The following CCDC57 variants were observed in gnomAD, a reference collection of about 807,000 sequenced individuals.
CCDC57 encodes coiled-coil domain-containing protein 57.
A neutral mutation model predicts 118.9 loss-of-function variants in CCDC57; 118 were observed. The observed-to-expected ratio is 0.99, with a 90% CI of 0.86 to 1.16. CCDC57 has a LOEUF of 1.16. CCDC57 is among the 50% of genes most tolerant of loss of function. The probability of loss-of-function intolerance (pLI) is 0.00; values close to 1 mark genes in which losing one functional copy is unlikely to be tolerated. For synonymous variants in CCDC57, 527 were observed against 532.9 expected (o/e 0.99, Z 0.15); for missense variants, 1,300 against 1,320.7 (o/e 0.98, Z 0.24).
At chr17:82,194,487 T>G (rs1599374947) in intron 5 of CCDC57, among the ~76,000 whole-genome samples, 1 of 152,040 alleles carries the variant, frequency 6.6e-6, no homozygotes. Context: ...ATTTTTGTAT[T>G]TTTAGTAGAG....
intron 13 of CCDC57, among the ~76,000 whole-genome samples, chr17:82,167,989 C>G (rs2044213316): frequency 6.6e-6 from 1 of 152,234 alleles, no homozygotes; most frequent in African/African-American, 2.4e-5. Context: ...TTTTCCTTCA[C>G]TCCTGACATT....
intron 2 of CCDC57, among the ~76,000 whole-genome samples, chr17:82,203,404 T>C (rs368076884): frequency 5.4e-4 from 82 of 152,334 alleles, no homozygotes; most frequent in African/African-American, 1.9e-3. Flanking sequence ...AATGGTCTAA[T>C]ATACCATCCG....
chr17:82,126,962 A>T (rs2037526689), intron 19 of CCDC57: 1 of 985,166 alleles, frequency 1.0e-6, no homozygotes, highest in Non-Finnish European at 1.2e-6. Flanking sequence ...ACCACATCAC[A>T]CGTCCCGCAA....
At chr17:82,167,509 C>T (rs1599090680) in intron 13 of CCDC57, among the ~76,000 whole-genome samples, 2 of 152,264 alleles carry the variant, frequency 1.3e-5, no homozygotes, top group South Asian at 2.1e-4. Flanking sequence ...CACCACCATG[C>T]CCAGCTAATT....
intron 1 of CCDC57, among the ~76,000 whole-genome samples, chr17:82,210,090 G>A (rs984557531): frequency 6.6e-6 from 1 of 152,082 alleles, no homozygotes; most frequent in East Asian, 1.9e-4. Flanking sequence ...GTGCTATAAG[G>A]ACAGAGAGGC....
At chr17:82,149,158 ATAGG>A (rs751088131) in intron 16 of CCDC57, among the ~76,000 whole-genome samples, 1 of 131,434 alleles carries the variant, frequency 7.6e-6, no homozygotes, top group South Asian at 2.9e-4. Flanking sequence ...GGATGAATAA[ATAGG>A]TGGGTGGATG....
At chr17:82,158,949 CTCAA>C (rs2043001003) in intron 14 of CCDC57, among the ~76,000 whole-genome samples, 1 of 152,070 alleles carries the variant, frequency 6.6e-6, no homozygotes, top group Non-Finnish European at 1.5e-5. Context: ...ACCATCTGGG[CTCAA>C]GCAACCCTCC....
Position 82,190,498 on chromosome 17 carries a change from C to G in CCDC57, c.852-2079G>C, listed in dbSNP as rs188539493. On this transcript the variant is annotated intron_variant, in intron 7 of 19. Transcript: ENST00000665763. Reference sequence around the variant, plus strand: ...ACCACTTGAGGACAAGAGTTTGAGACCAGCCTGGCCAGCATGGCAAACTCC... The same window carrying G: ...ACCACTTGAGGACAAGAGTTTGAGAGCAGCCTGGCCAGCATGGCAAACTCC... Among the ~76,000 whole-genome samples, 978 of 152,166 alleles carry G rather than the reference C, an allele frequency of 6.4e-3. 9 individuals are homozygous for G. Among genetic ancestry groups the G allele is most frequent in the Non-Finnish European group, 7.5e-3 (509 of 68,008 alleles).
intron 8 of CCDC57, chr17:82,185,123 G>A (rs537421850): frequency 3.3e-5 from 5 of 152,490 alleles, no homozygotes; most frequent in African/African-American, 7.2e-5. Flanking sequence ...CAATGGGCAC[G>A]GCTGCTGAGC....
exon 10 of CCDC57, chr17:82,179,036 T>G: frequency 6.2e-7 from 1 of 1,613,704 alleles, no homozygotes; most frequent in Non-Finnish European, 8.5e-7. Flanking sequence ...CCTGACTTTT[T>G]GCCATGCTCA....
At chr17:82,198,280 A>G in intron 4 of CCDC57, 34 bp downstream of exon 3, 2 of 1,329,972 alleles carry the variant, frequency 1.5e-6, no homozygotes, top group Non-Finnish European at 2.1e-6. Context: ...AGGCAGGGAA[A>G]GCACCCAGGA....
intron 13 of CCDC57, among the ~76,000 whole-genome samples, chr17:82,165,500 G>C (rs1013732917): frequency 6.6e-6 from 1 of 151,538 alleles, no homozygotes; most frequent in African/African-American, 2.4e-5. Context: ...AAAAAAAAAA[G>C]GCCGAAGAGA....
intron 19 of CCDC57, chr17:82,112,725 C>G (rs1272146660): frequency 6.6e-6 from 1 of 152,508 alleles, no homozygotes; most frequent in African/African-American, 2.4e-5. Context: ...CCAGAAACGG[C>G]CTTCAGGCAG....
chr17:82,161,590 T>C (rs1568317509), intron 14 of CCDC57, among the ~76,000 whole-genome samples: 1 of 152,192 alleles, frequency 6.6e-6, no homozygotes, highest in African/African-American at 2.4e-5. Context: ...CGTTCTGACA[T>C]ATGCAGAGCT....
chr17:82,201,541 T>C, exon 3 of CCDC57: 1 of 1,600,556 alleles, frequency 6.2e-7, no homozygotes, highest in Non-Finnish European at 8.5e-7. Flanking sequence ...GGCTCACCTG[T>C]GGACGCGCTC....
intron 13 of CCDC57, among the ~76,000 whole-genome samples, chr17:82,163,677 A>C (rs1198015920): frequency 6.6e-6 from 1 of 150,598 alleles, no homozygotes; most frequent in East Asian, 2.0e-4. Flanking sequence ...GAAATGAAGA[A>C]AAAAGATGCC....
chr17:82,201,945 GGT>G, exon 3 of CCDC57: 1 of 1,588,806 alleles, frequency 6.3e-7, no homozygotes, highest in Non-Finnish European at 8.6e-7. Context: ...GTGGCAGCAT[GGT>G]GGCCGCTGCA....
chr17:82,104,349 C>T lies in CCDC57; in HGVS notation c.2900-2483G>A, dbSNP rs1175699265. 3.9e-5 allele frequency among the ~76,000 whole-genome samples: 6 copies of T among 152,168 alleles called. No homozygotes were observed. The East Asian group carries it at 7.7e-4, about 20-fold the overall frequency. On this transcript the variant is annotated intron_variant, in intron 19 of 19. Coordinates refer to ENST00000665763, the Ensembl canonical transcript of CCDC57. ...CCACGGGCTGCTTGTGCTCTGGCCC[C>T]GAACTGAGCTTCTGGAAAGTTCCTG...
intron 8 of CCDC57, 85 bp from the exon 8 acceptor site, chr17:82,184,017 G>GCA (rs2046551186): frequency 2.4e-5 from 5 of 207,852 alleles, no homozygotes; most frequent in South Asian, 4.5e-5. Context: ...AAATACACAT[G>GCA]CGCGCGCGCG....
Sources: allele counts gnomAD v4.1 joint callset (sites outside exome capture counted in the v4.1 genomes callset), GRCh38; gene constraint gnomAD v4.1.1; transcripts MANE v1.5; gene names NCBI Gene and HGNC (gene_info 2026-07-23, HGNC 2026-07-21).